Variants in MND1 observed in about 807,000 individuals in gnomAD.
MND1 encodes meiotic nuclear division protein 1 homolog.
A neutral mutation model predicts 35.1 loss-of-function variants in MND1; 28 were observed. The ratio of observed to expected loss-of-function variants is 0.80; its 90% confidence interval spans 0.59 to 1.09. MND1 has a LOEUF of 1.09. Among genes scored for constraint, MND1 ranks in the 50% least tolerant of loss-of-function variants. The probability of loss-of-function intolerance (pLI) is 0.00; values close to 1 mark genes in which losing one functional copy is unlikely to be tolerated. For synonymous variants in MND1, 69 were observed against 70.5 expected, an observed-to-expected ratio of 0.98 and a Z score of 0.11; for missense variants, 213 against 239.6, an observed-to-expected ratio of 0.89 and a Z score of 0.73.
In MND1 at chr4:153,375,742, G is replaced by A. The variant is rs569567004; in HGVS notation, c.276+17120G>A. Among the ~76,000 whole-genome samples, 19 of 152,166 alleles carry A rather than the reference G, an allele frequency of 1.2e-4. No individual in the cohort carries two copies. In the East Asian group the frequency reaches 2.5e-3, roughly 20 times the overall value. The stretch of plus-strand genomic sequence containing the variant: ...AACAATTAGATTATATGTAAGCTTA[G>A]AAAATAGCTGTTATATTCTGATATT... On this transcript the variant is annotated intron_variant, in intron 4 of 7. Coordinates refer to ENST00000240488, the MANE Select transcript of MND1 (RefSeq NM_032117.4).
At chr4:153,404,427 G>A (rs1455025922) in intron 6 of MND1, among the ~76,000 whole-genome samples, 8 of 147,576 alleles carry the variant, frequency 5.4e-5, no homozygotes, top group Admixed American at 2.1e-4. Context: ...TCTTGACTTC[G>A]TGATCTGCCC....
intron 4 of MND1, among the ~76,000 whole-genome samples, chr4:153,376,115 G>T (rs1015224655): frequency 6.6e-6 from 1 of 152,134 alleles, no homozygotes; most frequent in Non-Finnish European, 1.5e-5. Context: ...TAATTATGTT[G>T]TAGAAACTTC....
chr4:153,360,645 CAAAAATAT>C (rs1773460449), intron 4 of MND1, among the ~76,000 whole-genome samples: 1 of 135,496 alleles, frequency 7.4e-6, no homozygotes, highest in African/African-American at 2.7e-5. Flanking sequence ...CATATATACA[CAAAAATAT>C]ATAAATATTT....
In MND1 at chr4:153,349,931, T is replaced by C. The variant is rs932685509; in HGVS notation, c.4-133T>C. ...GCAGATAGTAATTAAAATGAGTCTT[T>C]AGGTCTGACTTTGAGAGTATCAAAC... On this transcript the variant is annotated intron_variant, in intron 1 of 7. Transcript: ENST00000240488. 8 of 598,030 alleles carry C rather than the reference T, an allele frequency of 1.3e-5. No homozygotes were observed. The South Asian group carries it at 1.6e-4, about 12-fold the overall frequency. 37.0% of individuals were successfully genotyped at this position (598,030 alleles called of 1,614,324 possible).
At chr4:153,381,779 C>T (rs1728714863) in intron 4 of MND1, 1 of 131,898 alleles carries the variant, frequency 7.6e-6, no homozygotes, top group Non-Finnish European at 1.6e-5. Flanking sequence ...TATTCATGGC[C>T]ATGATCCCAC....
intron 7 of MND1, 139 bp downstream of exon 7, chr4:153,409,154 A>G (rs565343574): frequency 2.2e-4 from 68 of 308,024 alleles, no homozygotes; most frequent in African/African-American, 1.4e-3. Context: ...AAATGTTTAC[A>G]TATTAAATCA....
intron 4 of MND1, among the ~76,000 whole-genome samples, chr4:153,387,239 G>A (rs1299084415): frequency 1.3e-5 from 2 of 152,040 alleles, no homozygotes; most frequent in African/African-American, 4.8e-5. Context: ...AAAAAACTCA[G>A]TTGTATCCCA....
At chr4:153,411,043 C>G (rs899455915) in intron 7 of MND1, among the ~76,000 whole-genome samples, 1 of 152,100 alleles carries the variant, frequency 6.6e-6, no homozygotes, top group East Asian at 1.9e-4. Flanking sequence ...ATATACTGTT[C>G]AACAATTCAG....
At position 153,408,958 on chromosome 4, in the gene MND1, A is replaced by ATG; in HGVS notation, c.467-13_467-12insTG. The ATG allele has an allele frequency of 8.4e-7, 1 of 1,192,350 alleles. No homozygotes were observed. The highest frequency in any genetic ancestry group is 1.1e-6 in the Non-Finnish European group (1 of 922,484). 73.9% of individuals were successfully genotyped at this position (1,192,350 alleles called of 1,614,324 possible). ...TAAATACATTTCATTTTATATATATAATTTTTTTTCAGGCCAAGCAAATAA... is the reference window on the plus strand; with the variant it reads ...TAAATACATTTCATTTTATATATATATGATTTTTTTTCAGGCCAAGCAAATAA... On this transcript the variant is annotated splice_polypyrimidine_tract_variant and intron_variant, in intron 6 of 7. Coordinates refer to ENST00000240488, the MANE Select transcript of MND1 (RefSeq NM_032117.4).
chr4:153,386,892 G>A (rs781687040), intron 4 of MND1, among the ~76,000 whole-genome samples: 1 of 152,140 alleles, frequency 6.6e-6, no homozygotes, highest in Admixed American at 6.6e-5. Flanking sequence ...AAGACAAGAA[G>A]GATGCACACT....
chr4:153,398,760 C>T, intron 6 of MND1, among the ~76,000 whole-genome samples: 1 of 152,220 alleles, frequency 6.6e-6, no homozygotes, highest in East Asian at 1.9e-4. Flanking sequence ...ATCAAATCTA[C>T]ACCTACAAAA....
chr4:153,373,546 T>C (rs1191010698), intron 4 of MND1, among the ~76,000 whole-genome samples: 1 of 152,194 alleles, frequency 6.6e-6, no homozygotes, highest in Non-Finnish European at 1.5e-5. Context: ...TTTTAAAAAA[T>C]TGAGCTTAAT....
intron 4 of MND1, among the ~76,000 whole-genome samples, chr4:153,359,553 G>A (rs1031184605): frequency 2.0e-5 from 3 of 152,158 alleles, no homozygotes; most frequent in African/African-American, 4.8e-5. Flanking sequence ...ACCAAGGAGC[G>A]TGATTGCTGG....
At chr4:153,366,614 A>G (rs542726611) in intron 4 of MND1, among the ~76,000 whole-genome samples, 28 of 152,230 alleles carry the variant, frequency 1.8e-4, no homozygotes, top group African/African-American at 6.7e-4. Flanking sequence ...CTGAACCCTG[A>G]CTCTCAAGTT....
rs17029911 is a variant in MND1, at chr4:153,376,817, A to G, written c.277-17445A>G. ...CTCTAATCTGCTGGACTATGCTACA[A>G]TTGTTGGCTTACTCAACCCCATGTC... On this transcript the variant is annotated intron_variant, in intron 4 of 7. Coordinates refer to ENST00000240488, the MANE Select transcript of MND1 (RefSeq NM_032117.4). 4.6e-3 allele frequency among the ~76,000 whole-genome samples: 697 copies of G among 152,192 alleles called. 7 individuals are homozygous for G. The highest frequency in any genetic ancestry group is 0.016 in the African/African-American group (648 of 41,508).
At chr4:153,377,116 G>A (rs182724584) in intron 4 of MND1, among the ~76,000 whole-genome samples, 24 of 152,216 alleles carry the variant, frequency 1.6e-4, no homozygotes, top group African/African-American at 4.1e-4. Context: ...CTTCATCCAA[G>A]TTCTGGTTTA....
intron 4 of MND1, among the ~76,000 whole-genome samples, chr4:153,360,121 A>G (rs1773445569): frequency 1.3e-5 from 2 of 152,106 alleles, no homozygotes; most frequent in Admixed American, 6.6e-5. Flanking sequence ...TTTGTCATCT[A>G]TGTAAAAGGA....
intron 4 of MND1, among the ~76,000 whole-genome samples, chr4:153,388,983 A>T (rs1323110861): frequency 6.6e-6 from 1 of 152,176 alleles, no homozygotes; most frequent in African/African-American, 2.4e-5. Context: ...TGGGGCTTTT[A>T]TGGGCACAGA....
chr4:153,386,639 C>A (rs1010630613), intron 4 of MND1, among the ~76,000 whole-genome samples: 3 of 152,100 alleles, frequency 2.0e-5, no homozygotes, highest in South Asian at 4.2e-4. Flanking sequence ...CCACTTGAAC[C>A]CGGGAGGTGG....
Sources: gnomAD v4.1 joint callset for allele counts (sites outside exome capture counted in the v4.1 genomes callset) on GRCh38, gnomAD v4.1.1 for gene constraint, MANE v1.5 for transcripts, NCBI Gene and HGNC (gene_info 2026-07-23, HGNC 2026-07-21) for gene names.